Variants in KCNJ4 observed in about 807,000 individuals in gnomAD.
KCNJ4 encodes inward rectifier potassium channel 4.
A neutral mutation model predicts 25.6 loss-of-function variants in KCNJ4; 3 were observed. That is an observed-to-expected ratio of 0.12 (90% CI 0.05 to 0.30). The LOEUF (loss-of-function observed/expected upper bound fraction) is 0.30. KCNJ4 is among the 10% of genes least tolerant of loss of function. The pLI is 1.00. For missense variants in KCNJ4, 286 were observed against 666.8 expected (o/e 0.43, Z 6.29); for synonymous variants, 257 against 283.9 (o/e 0.91, Z 0.95).
chr22:38,437,604 T>C (rs1342309260), intron 1 of KCNJ4, among the ~76,000 whole-genome samples: 1 of 152,200 alleles, frequency 6.6e-6, no homozygotes, highest in Non-Finnish European at 1.5e-5. Context: ...CTCTGGATGG[T>C]AGGCATTTGC....
At chr22:38,435,531 G>A (rs2093062898) in intron 1 of KCNJ4, among the ~76,000 whole-genome samples, 2 of 151,858 alleles carry the variant, frequency 1.3e-5, no homozygotes, top group Non-Finnish European at 2.9e-5. Flanking sequence ...TGTCTCTACT[G>A]AAAATACAAA....
At chr22:38,436,978 G>T (rs1042666374) in intron 1 of KCNJ4, among the ~76,000 whole-genome samples, 2 of 152,198 alleles carry the variant, frequency 1.3e-5, no homozygotes, top group African/African-American at 2.4e-5. Context: ...TACGTGCCAG[G>T]TTCTGTGAAG....
At chr22:38,429,014 G>T (rs542016095) in intron 1 of KCNJ4, among the ~76,000 whole-genome samples, 1 of 151,074 alleles carries the variant, frequency 6.6e-6, no homozygotes, top group Non-Finnish European at 1.5e-5. Flanking sequence ...AGCCCAGGGG[G>T]TCAAGGCTGC....
intron 1 of KCNJ4, among the ~76,000 whole-genome samples, chr22:38,452,412 C>T (rs549219125): frequency 2.0e-5 from 3 of 152,290 alleles, no homozygotes; most frequent in South Asian, 4.1e-4. Context: ...AGCCCACGTC[C>T]TGCCTCTAGC....
At chr22:38,448,719 C>T (rs196087) in intron 1 of KCNJ4, among the ~76,000 whole-genome samples, 13,374 of 152,158 alleles carry the variant, frequency 0.088, 819 homozygotes, top group African/African-American at 0.18. Flanking sequence ...TGCTGAGTGA[C>T]CCTGGGCAAA....
At chr22:38,441,625 G>T (rs1290329629) in intron 1 of KCNJ4, among the ~76,000 whole-genome samples, 1 of 152,176 alleles carries the variant, frequency 6.6e-6, no homozygotes, top group Non-Finnish European at 1.5e-5. Context: ...TGCTCGGCTG[G>T]CCCCAGCAGG....
intron 1 of KCNJ4, among the ~76,000 whole-genome samples, chr22:38,434,371 G>A (rs1170479570): frequency 1.3e-5 from 2 of 152,174 alleles, no homozygotes; most frequent in Admixed American, 6.5e-5. Context: ...CATGCCAGGC[G>A]CTGCCTCCTC....
Position 38,426,732 on chromosome 22 carries a change from T to C in KCNJ4, c.*63A>G. On this transcript the variant is annotated 3_prime_UTR_variant, in exon 2 of 2. Transcript: ENST00000303592. ...GCTCTGTCCTGAGTGTGGGAGGGGG[T>C]GTCCTGGCATCCCACCCCCGGCAGA... 6.5e-7 allele frequency: 1 copy of C among 1,538,016 alleles called. No homozygotes were observed. The highest frequency in any genetic ancestry group is 8.8e-7 in the Non-Finnish European group (1 of 1,138,536).
Position 38,427,898 on chromosome 22 carries a change from A to C in KCNJ4, c.235T>G (p.Cys79Gly). The C allele has an allele frequency of 6.2e-7, 1 of 1,612,542 alleles. No individual in the cohort carries two copies. Among genetic ancestry groups the C allele is most frequent in the Non-Finnish European group, 8.5e-7 (1 of 1,179,032 alleles). ...SWLFFGLLFW[C>G]IAFFHGDLEA... Reference sequence around the variant, plus strand: ...AGGTCACCGTGGAAGAAGGCGATACACCAGAAGAGGAGGCCGAAAAAGAGC... The same window carrying C: ...AGGTCACCGTGGAAGAAGGCGATACCCCAGAAGAGGAGGCCGAAAAAGAGC... The change falls in exon 2 of 2, where the codon TGT becomes GGT. Residue 79 changes from cysteine to glycine, a missense_variant. Around this residue, in one of 11 missense-constraint regions of KCNJ4, gnomAD observed 36 missense variants for 103.2 expected, o/e 0.35. Transcript: ENST00000303592.
In KCNJ4 at chr22:38,426,860, G is replaced by C; in HGVS notation, c.1273C>G (p.Leu425Val). The C allele has an allele frequency of 6.2e-7, 1 of 1,613,512 alleles. No homozygotes were observed. Among genetic ancestry groups the C allele is most frequent in the Non-Finnish European group, 8.5e-7 (1 of 1,179,968 alleles). The change falls in exon 2 of 2, where the codon CTG becomes GTG. Residue 425 changes from leucine to valine, a missense_variant. Transcript: ENST00000303592. Reference protein sequence around the residue: ...RMLEFGSHLDLERMQASLPLD... With the variant: ...RMLEFGSHLDVERMQASLPLD... ...GGGAGGGAAGCCTGCATGCGCTCCA[G>C]GTCCAGGTGGCTGCCGAACTCCAGC...
chr22:38,438,111 C>T (rs891302078), intron 1 of KCNJ4, among the ~76,000 whole-genome samples: 27 of 151,134 alleles, frequency 1.8e-4, no homozygotes, highest in African/African-American at 4.9e-4. Flanking sequence ...TGGTGGCAGG[C>T]GCCTGTAGTC....
At chr22:38,434,789 A>G (rs185512505) in intron 1 of KCNJ4, among the ~76,000 whole-genome samples, 1 of 152,080 alleles carries the variant, frequency 6.6e-6, no homozygotes, top group Non-Finnish European at 1.5e-5. Flanking sequence ...GGTTAAACCC[A>G]TATGTTTTGG....
rs1444952563 is a variant in KCNJ4 at position 38,455,143 on chromosome 22, C to T, written c.-203G>A. 7 of 148,864 alleles carry T rather than the reference C, an allele frequency of 4.7e-5. No homozygotes were observed. The highest frequency in any genetic ancestry group is 1.5e-5 in the Non-Finnish European group (1 of 66,810). 9.2% of individuals were successfully genotyped at this position (148,864 alleles called of 1,614,324 possible). A position where few individuals can be genotyped will look rare whatever the true frequency, so the allele number is the denominator to read the frequency against. On this transcript the variant is annotated 5_prime_UTR_variant, in exon 1 of 2. Coordinates refer to ENST00000303592, the MANE Select transcript of KCNJ4 (RefSeq NM_152868.3). Reference sequence around the variant, plus strand: ...CGCGCTCCCCTCCCCGGCTGCCGCTCGGTCTGCGCGTGGGTCTTGGGGTCT... The same window carrying T: ...CGCGCTCCCCTCCCCGGCTGCCGCTTGGTCTGCGCGTGGGTCTTGGGGTCT...
intron 1 of KCNJ4, among the ~76,000 whole-genome samples, chr22:38,429,583 T>C (rs1404879410): frequency 6.6e-6 from 1 of 152,100 alleles, no homozygotes; most frequent in East Asian, 1.9e-4. Context: ...CTGCCTTCCT[T>C]CCCACACTTC....
chr22:38,442,201 T>C (rs952697811), intron 1 of KCNJ4, among the ~76,000 whole-genome samples: 2 of 152,068 alleles, frequency 1.3e-5, no homozygotes, highest in Non-Finnish European at 2.9e-5. Flanking sequence ...AAAATGCACA[T>C]GAAAAGTTTT....
chr22:38,438,801 G>A lies in KCNJ4; in HGVS notation c.-39-10630C>T, dbSNP rs549698897. 1.7e-3 allele frequency among the ~76,000 whole-genome samples: 255 copies of A among 152,342 alleles called. 1 individual carries two copies. Among genetic ancestry groups the A allele is most frequent in the Middle Eastern group, 6.8e-3 (2 of 294 alleles). The stretch of plus-strand genomic sequence containing the variant: ...GGTTGTGGCTGTGAAGTGAGCCTGG[G>A]AGTGAGTGGACCAGGATGAGGCCAC... On this transcript the variant is annotated intron_variant, in intron 1 of 1. Coordinates refer to ENST00000303592, the MANE Select transcript of KCNJ4 (RefSeq NM_152868.3).
chr22:38,430,182 T>C (rs972557153), intron 1 of KCNJ4, among the ~76,000 whole-genome samples: 1 of 152,210 alleles, frequency 6.6e-6, no homozygotes, highest in African/African-American at 2.4e-5. Flanking sequence ...AGCTGTTGAC[T>C]ACTCTGAACC....
rs749836897 is a variant in KCNJ4, at chr22:38,426,747, C to A, written c.*48G>T. The A allele has an allele frequency of 6.4e-7, 1 of 1,555,680 alleles. No homozygotes were observed. The highest frequency in any genetic ancestry group is 8.7e-7 in the Non-Finnish European group (1 of 1,148,506). On this transcript the variant is annotated 3_prime_UTR_variant, in exon 2 of 2. Coordinates refer to ENST00000303592, the MANE Select transcript of KCNJ4 (RefSeq NM_152868.3). ...TGGGAGGGGGTGTCCTGGCATCCCA[C>A]CCCCGGCAGAGGCTCTTGTGGGCAG... is the stretch of plus-strand genomic sequence containing the variant.
chr22:38,432,582 G>A (rs1226213628), intron 1 of KCNJ4, among the ~76,000 whole-genome samples: 1 of 152,158 alleles, frequency 6.6e-6, no homozygotes, highest in Non-Finnish European at 1.5e-5. Context: ...AGGTCACAGA[G>A]CTTGACATAG....
Sources: allele counts gnomAD v4.1 joint callset (sites outside exome capture counted in the v4.1 genomes callset), GRCh38; gene constraint gnomAD v4.1.1; regional missense constraint gnomAD v4.1.1; transcripts MANE v1.5; gene names NCBI Gene and HGNC (gene_info 2026-07-23, HGNC 2026-07-21).